PLEKHM3: variants seen among roughly 807,000 people sequenced by gnomAD.
PLEKHM3 encodes pleckstrin homology domain-containing family M member 3.
Under a neutral mutation model 81.8 loss-of-function variants are expected in PLEKHM3, and 45 were observed. That is an observed-to-expected ratio of 0.55 (90% CI 0.43 to 0.71). The LOEUF (loss-of-function observed/expected upper bound fraction) is 0.71, where lower values mean the gene tolerates loss of function less well. Among genes scored for constraint, PLEKHM3 ranks in the 30% least tolerant of loss-of-function variants. PLEKHM3 has a pLI of 0.00. For missense variants in PLEKHM3, 788 were observed against 924.3 expected, an observed-to-expected ratio of 0.85 and a Z score of 1.91; for synonymous variants, 352 against 356.4, an observed-to-expected ratio of 0.99 and a Z score of 0.14.
At chr2:207,964,661 G>A (rs1243133817) in intron 3 of PLEKHM3, among the ~76,000 whole-genome samples, 1 of 152,084 alleles carries the variant, frequency 6.6e-6, no homozygotes, top group Non-Finnish European at 1.5e-5. Flanking sequence ...GAACCATAAC[G>A]AACATGGTCA....
rs114833614 is a variant in PLEKHM3, at chr2:207,875,650, G to A, written c.1951-14388C>T. 3.8e-3 allele frequency among the ~76,000 whole-genome samples: 586 copies of A among 152,284 alleles called. 8 individuals carry two copies. The highest frequency in any genetic ancestry group is 0.012 in the African/African-American group (489 of 41,566). On this transcript the variant is annotated intron_variant, in intron 6 of 7. Transcript: ENST00000427836. Reference sequence around the variant, plus strand: ...CTCAAAGAGAAACACTGGCCAGATTGAAAACACACACAAACACACAACTTA... The same window carrying A: ...CTCAAAGAGAAACACTGGCCAGATTAAAAACACACACAAACACACAACTTA...
chr2:207,832,365 G>A (rs1461125243), intron 7 of PLEKHM3, among the ~76,000 whole-genome samples: 1 of 152,146 alleles, frequency 6.6e-6, no homozygotes, highest in African/African-American at 2.4e-5. Context: ...AGGAGAAAGG[G>A]AAATTGTTCT....
chr2:207,871,955 G>A (rs903996125), intron 6 of PLEKHM3, among the ~76,000 whole-genome samples: 1 of 152,132 alleles, frequency 6.6e-6, no homozygotes, highest in Non-Finnish European at 1.5e-5. Flanking sequence ...CTTTTAGCCC[G>A]AGTTCTGACA....
intron 6 of PLEKHM3, among the ~76,000 whole-genome samples, chr2:207,886,535 G>GAAATACCATAAATGGTATACCAT (rs1687891128): frequency 1.3e-5 from 2 of 152,126 alleles, no homozygotes; most frequent in South Asian, 4.1e-4. Flanking sequence ...AAGCCTTATA[G>GAAATACCATAAATGGTATACCAT]AAATACCATA....
At position 208,001,771 on chromosome 2, in the gene PLEKHM3, C is replaced by T. The variant is rs1692315292; in HGVS notation, c.-132G>A. 13 of 1,455,576 alleles carry T rather than the reference C, an allele frequency of 8.9e-6. No homozygotes were observed. The South Asian group carries it at 1.7e-4, about 19-fold the overall frequency. The allele number at this position is 1,455,576 out of a possible 1,614,324, so 90.2% of individuals were successfully genotyped here. On this transcript the variant is annotated 5_prime_UTR_variant, in exon 2 of 8. Transcript: ENST00000427836. Reference sequence around the variant, plus strand: ...ACTGGAAGAAACCTTCATTGGGCTCCCTGGAGCAGGCCAAACCCAAAGTGG... The same window carrying T: ...ACTGGAAGAAACCTTCATTGGGCTCTCTGGAGCAGGCCAAACCCAAAGTGG...
chr2:208,017,423 T>C (rs2106124537), intron 1 of PLEKHM3, among the ~76,000 whole-genome samples: 1 of 152,264 alleles, frequency 6.6e-6, no homozygotes, highest in Middle Eastern at 3.4e-3. Context: ...AAGGTTTTAA[T>C]CTACTCAAGG....
At chr2:207,899,519 G>A (rs1245148947) in intron 6 of PLEKHM3, among the ~76,000 whole-genome samples, 1 of 152,122 alleles carries the variant, frequency 6.6e-6, no homozygotes, top group Non-Finnish European at 1.5e-5. Context: ...TTTGCTGAAT[G>A]AATAAATGAA....
chr2:207,882,566 C>T (rs1322541466), intron 6 of PLEKHM3, among the ~76,000 whole-genome samples: 3 of 137,150 alleles, frequency 2.2e-5, no homozygotes, highest in Non-Finnish European at 4.6e-5. Flanking sequence ...GAGCCCAGAT[C>T]GCGTCATTGC....
chr2:207,984,569 CAG>C (rs1691652261), intron 2 of PLEKHM3, among the ~76,000 whole-genome samples: 1 of 152,222 alleles, frequency 6.6e-6, no homozygotes, highest in African/African-American at 2.4e-5. Context: ...TTAGTAGAGA[CAG>C]AGTTTCACCA....
At chr2:207,870,382 C>T (rs10932212) in intron 6 of PLEKHM3, among the ~76,000 whole-genome samples, 37,650 of 152,072 alleles carry the variant, frequency 0.25, 4,830 homozygotes, top group Non-Finnish European at 0.3. Flanking sequence ...AGATTTGGAG[C>T]GACTGTCGGG....
intron 6 of PLEKHM3, among the ~76,000 whole-genome samples, chr2:207,896,986 G>C (rs752763060): frequency 6.6e-6 from 1 of 152,204 alleles, no homozygotes; most frequent in African/African-American, 2.4e-5. Flanking sequence ...CAAGAAACAA[G>C]TGGCAAGATT....
intron 7 of PLEKHM3, among the ~76,000 whole-genome samples, chr2:207,836,074 T>C (rs1356683840): frequency 6.6e-6 from 1 of 152,238 alleles, no homozygotes; most frequent in Non-Finnish European, 1.5e-5. Context: ...TGAGCACTCC[T>C]AATTATCTGT....
chr2:208,002,922 C>A (rs1241753840), intron 1 of PLEKHM3, among the ~76,000 whole-genome samples: 6 of 149,356 alleles, frequency 4.0e-5, no homozygotes, highest in African/African-American at 7.4e-5. Context: ...AAAAAAAAAA[C>A]AAATAAAACA....
intron 6 of PLEKHM3, among the ~76,000 whole-genome samples, chr2:207,894,258 C>A (rs1688150697): frequency 6.6e-6 from 1 of 152,178 alleles, no homozygotes. Flanking sequence ...TTTTTGATGA[C>A]TACAGGTCAT....
chr2:207,892,052 G>T (rs1241742952), intron 6 of PLEKHM3, among the ~76,000 whole-genome samples: 3 of 152,160 alleles, frequency 2.0e-5, no homozygotes, highest in Non-Finnish European at 4.4e-5. Flanking sequence ...TAGAGCCTGG[G>T]TATGAGGGGC....
chr2:207,986,012 G>A (rs1318735671), intron 2 of PLEKHM3, among the ~76,000 whole-genome samples: 2 of 150,720 alleles, frequency 1.3e-5, no homozygotes, highest in East Asian at 1.9e-4. Flanking sequence ...AAAATACCAT[G>A]TTCCAGATCA....
At chr2:207,959,863 T>C (rs1012447024) in intron 3 of PLEKHM3, among the ~76,000 whole-genome samples, 2 of 152,198 alleles carry the variant, frequency 1.3e-5, no homozygotes, top group African/African-American at 4.8e-5. Flanking sequence ...ATTTCTTCGT[T>C]TTCACCCCAA....
intron 7 of PLEKHM3, among the ~76,000 whole-genome samples, chr2:207,838,415 C>G (rs2092332154): frequency 6.6e-6 from 1 of 152,158 alleles, no homozygotes; most frequent in South Asian, 2.1e-4. Context: ...AGCTAAATAC[C>G]TTTGACAAAA....
chr2:207,968,607 ATTC>A (rs1691007446), intron 3 of PLEKHM3, among the ~76,000 whole-genome samples: 1 of 152,188 alleles, frequency 6.6e-6, no homozygotes, highest in Non-Finnish European at 1.5e-5. Flanking sequence ...CCTGCACCTC[ATTC>A]TTATTTGCAT....
Sources: allele counts gnomAD v4.1 joint callset (sites outside exome capture counted in the v4.1 genomes callset), GRCh38; gene constraint gnomAD v4.1.1; transcripts MANE v1.5; gene names NCBI Gene and HGNC (gene_info 2026-07-23, HGNC 2026-07-21).